PJVK: variants seen among roughly 807,000 people sequenced by gnomAD.
The protein encoded by PJVK is pejvakin.
Under a neutral mutation model 37.6 loss-of-function variants are expected in PJVK, and 33 were observed. The ratio of observed to expected loss-of-function variants is 0.88; its 90% CI spans 0.67 to 1.17. The LOEUF (loss-of-function observed/expected upper bound fraction) is 1.17, where lower values mean the gene tolerates loss of function less well. Among genes scored for constraint, PJVK ranks in the 50% most tolerant of loss-of-function variants. The pLI is 0.00. For missense variants in PJVK, 410 were observed against 413.8 expected (o/e 0.99, Z 0.08); for synonymous variants, 141 against 143.5 (o/e 0.98, Z 0.13).
rs150134769 is a variant in PJVK at position 178,461,346 on chromosome 2, GTTTGC to G, written c.*77_*81del. ...CACAAACCTTCCCTAAATTATCTAG[GTTTGC>G]TTTGATGAATTAAATTAAAATGAGA... is the stretch of plus-strand genomic sequence containing the variant. On this transcript the variant is annotated 3_prime_UTR_variant, in exon 7 of 7. Coordinates refer to ENST00000644580, the MANE Select transcript of PJVK (RefSeq NM_001042702.5). 9.1e-3 allele frequency: 14,188 copies of G among 1,560,604 alleles called. 376 individuals are homozygous for G. Among genetic ancestry groups the G allele is most frequent in the East Asian group, 0.065 (2,891 of 44,568 alleles).
intron 2 of PJVK, 102 bp from the exon 3 acceptor site, chr2:178,454,230 C>A: frequency 1.0e-6 from 1 of 986,764 alleles, no homozygotes; most frequent in Non-Finnish European, 1.5e-6. Flanking sequence ...CTTTCTCTAA[C>A]ATTTGGGTAT....
chr2:178,451,752 C>T lies in PJVK; in HGVS notation c.-40C>T, dbSNP rs1175533088. 1.0e-6 allele frequency: 1 copy of T among 985,086 alleles called. No homozygotes were observed. The highest frequency in any genetic ancestry group is 1.7e-5 in the African/African-American group (1 of 57,226). The allele number at this position is 985,086 out of a possible 1,614,324, so 61.0% of individuals were successfully genotyped here. On this transcript the variant is annotated 5_prime_UTR_variant, in exon 1 of 7. Transcript: ENST00000644580. ...GCTCCTTTGTCTTCTGGGCTTTCGTCGCGAGATGGAACGCTGGGTCAGTGC... is the reference window on the plus strand; with the variant it reads ...GCTCCTTTGTCTTCTGGGCTTTCGTTGCGAGATGGAACGCTGGGTCAGTGC...
At chr2:178,456,964 C>G (rs1369696127) in intron 4 of PJVK, among the ~76,000 whole-genome samples, 1 of 152,106 alleles carries the variant, frequency 6.6e-6, no homozygotes, top group East Asian at 1.9e-4. Context: ...TTTTTTAAAG[C>G]TGAATTTATA....
In PJVK at chr2:178,460,846, C is replaced by CT. The variant is rs1361817950; in HGVS notation, c.767-135dup. On this transcript the variant is annotated intron_variant, in intron 6 of 6. Transcript: ENST00000644580. ...CTTGGGTGACAGAGCCAGACCCTGT[C>CT]TCAAAAAAAAAAAAAAAAAAAAAAA... 144 of 632,478 alleles carry CT rather than the reference C, an allele frequency of 2.3e-4. 1 individual carries two copies. The African/African-American group carries it at 4.7e-3, about 21-fold the overall frequency. 39.2% of individuals were successfully genotyped at this position (632,478 alleles called of 1,614,324 possible).
At chr2:178,455,899 G>A in intron 3 of PJVK, 111 bp from the exon 4 acceptor site, 1 of 1,261,812 alleles carries the variant, frequency 7.9e-7, no homozygotes, top group South Asian at 1.4e-5. Context: ...GGATTGCCTT[G>A]ATTTACTATT....
chr2:178,454,317 TTTC>T lies in PJVK; in HGVS notation c.212-9_212-7del. 2 of 1,600,630 alleles carry T rather than the reference TTTC, an allele frequency of 1.2e-6. No individual in the cohort carries two copies. The highest frequency in any genetic ancestry group is 1.7e-6 in the Non-Finnish European group (2 of 1,169,922). On this transcript the variant is annotated splice_polypyrimidine_tract_variant and intron_variant, in intron 2 of 6. Transcript: ENST00000644580. Reference sequence around the variant, plus strand: ...ATAAAGATGTTTAAAAAATACTGAGTTTCTTCTTATAAAGGTATTTCATCTTAT... The same window carrying T: ...ATAAAGATGTTTAAAAAATACTGAGTTTCTTATAAAGGTATTTCATCTTAT...
At chr2:178,454,630 T>G in intron 3 of PJVK, 103 bp downstream of exon 3, 1 of 1,437,110 alleles carries the variant, frequency 7.0e-7, no homozygotes, top group Non-Finnish European at 9.6e-7. Context: ...TGTATTTTAC[T>G]AGTGTAATTT....
chr2:178,457,921 T>A (rs1684234273), intron 4 of PJVK, among the ~76,000 whole-genome samples: 1 of 152,250 alleles, frequency 6.6e-6, no homozygotes. Context: ...ATTGTTTATC[T>A]TTGTCATTCA....
Position 178,460,440 on chromosome 2 carries a change from G to C in PJVK, c.760G>C (p.Glu254Gln), listed in dbSNP as rs781383159. The change falls in exon 6 of 7, where the codon GAA becomes CAA. Residue 254 changes from glutamate to glutamine, a missense_variant. Physicochemically the swap from Glu to Gln is conservative, Grantham distance 29. Transcript: ENST00000644580. ...LLYRLRNILF[E>Q]RNRRVMDVIS... ...GTACAGGTTGAGAAATATCCTATTT[G>C]AAAGAAGTATGTTTATTGAAGAGTA... 3.1e-6 allele frequency: 5 copies of C among 1,613,276 alleles called. No individual in the cohort carries two copies. The African/African-American group carries it at 4.0e-5, about 13-fold the overall frequency.
rs765936062 is a variant in PJVK at position 178,460,312 on chromosome 2, TCAAG to T, written c.668-35_668-32del. 7.3e-6 allele frequency: 11 copies of T among 1,499,444 alleles called. No homozygotes were observed. The South Asian group carries it at 1.0e-4, about 14-fold the overall frequency. 92.9% of individuals were successfully genotyped at this position (1,499,444 alleles called of 1,614,324 possible). A position where few individuals can be genotyped will look rare whatever the true frequency, so the allele number is the denominator to read the frequency against. On this transcript the variant is annotated intron_variant, in intron 5 of 6. Coordinates refer to ENST00000644580, the MANE Select transcript of PJVK (RefSeq NM_001042702.5). ...CATCAAACAATAAAATATGAATTAT[TCAAG>T]TTATAACATCTTCTAACAATTTTTT...
chr2:178,461,203 G>C lies in PJVK; in HGVS notation c.988G>C (p.Val330Leu), dbSNP rs1444262104. The C allele has an allele frequency of 5.6e-6, 9 of 1,614,038 alleles. No individual in the cohort carries two copies. Among genetic ancestry groups the C allele is most frequent in the African/African-American group, 5.3e-5 (4 of 74,926 alleles). Residue 330 changes from valine (V) to leucine (L), a missense_variant, in exon 7 of 7, where the codon GTT becomes CTT. Physicochemically the swap from Val to Leu is conservative, Grantham distance 32 (BLOSUM62 1). Coordinates refer to ENST00000644580, the MANE Select transcript of PJVK (RefSeq NM_001042702.5). ...ETVYGCFQCSVDGQKYVRLHA... is the reference protein window; with the variant it reads ...ETVYGCFQCSLDGQKYVRLHA... ...AGTTTATGGGTGCTTTCAGTGTTCT[G>C]TTGATGGTCAGAAGTATGTGAGACT...
At chr2:178,459,440 G>A (rs1201963054) in intron 5 of PJVK, among the ~76,000 whole-genome samples, 1 of 152,146 alleles carries the variant, frequency 6.6e-6, no homozygotes, top group Non-Finnish European at 1.5e-5. Context: ...ATTTATGTAT[G>A]GGATACATGA....
Position 178,454,863 on chromosome 2 carries a change from A to T in PJVK, c.407+336A>T, listed in dbSNP as rs372506375. On this transcript the variant is annotated intron_variant, in intron 3 of 6. Coordinates refer to ENST00000644580, the MANE Select transcript of PJVK (RefSeq NM_001042702.5). ...CCTTGACTCCCCAGGGAAGCAGAAG[A>T]CTGAGGAAGATGAGGAGGAGGAAGA... 75 of 1,032,738 alleles carry T rather than the reference A, an allele frequency of 7.3e-5. No individual in the cohort carries two copies. In the Middle Eastern group the frequency reaches 1.4e-3, roughly 19 times the overall value. 64.0% of individuals were successfully genotyped at this position (1,032,738 alleles called of 1,614,324 possible).
chr2:178,454,610 A>G, intron 3 of PJVK, 83 bp downstream of exon 3: 1 of 1,487,274 alleles, frequency 6.7e-7, no homozygotes, highest in Non-Finnish European at 9.2e-7. Flanking sequence ...AATGCTTAAA[A>G]CATTGAGGTT....
chr2:178,456,987 G>C (rs775038372), intron 4 of PJVK, among the ~76,000 whole-genome samples: 25 of 150,258 alleles, frequency 1.7e-4, no homozygotes, highest in Non-Finnish European at 2.7e-4. Flanking sequence ...TTTTTTTTTT[G>C]AGACGGAGTC....
At chr2:178,455,885 A>G (rs901558007) in intron 3 of PJVK, 125 bp from the exon 4 acceptor site, 14 of 1,089,848 alleles carry the variant, frequency 1.3e-5, no homozygotes, top group African/African-American at 1.1e-4. Context: ...TTTTCTGACT[A>G]TTAGGATTGC....
chr2:178,458,737 T>C (rs1242038145), intron 5 of PJVK, 110 bp downstream of exon 5: 8 of 952,336 alleles, frequency 8.4e-6, no homozygotes, highest in Admixed American at 5.1e-5. Context: ...CTAACAATTA[T>C]AGAAGATGCT....
At chr2:178,451,870 G>T (rs966885150) in intron 1 of PJVK, 101 bp downstream of exon 1, 7 of 985,216 alleles carry the variant, frequency 7.1e-6, no homozygotes, top group Non-Finnish European at 8.4e-6. Context: ...CAGCACCTTT[G>T]GTGGGCCATT....
At chr2:178,460,199 C>T (rs1684394726) in intron 5 of PJVK, 149 bp from the exon 6 acceptor site, 1 of 675,898 alleles carries the variant, frequency 1.5e-6, no homozygotes. Context: ...GAATTTTGTA[C>T]CATGTGAATG....
Sources: gnomAD v4.1 joint callset for allele counts (sites outside exome capture counted in the v4.1 genomes callset) on GRCh38, gnomAD v4.1.1 for gene constraint, MANE v1.5 for transcripts, NCBI Gene and HGNC (gene_info 2026-07-23, HGNC 2026-07-21) for gene names.